COP1: variants seen among roughly 807,000 people sequenced by gnomAD.
The protein encoded by COP1 is E3 ubiquitin-protein ligase COP1.
Under a neutral mutation model 101.3 loss-of-function variants are expected in COP1, and 24 were observed. The ratio of observed to expected loss-of-function variants is 0.24; its 90% confidence interval spans 0.17 to 0.33. The LOEUF (loss-of-function observed/expected upper bound fraction) is 0.33. Ranked by LOEUF, COP1 falls within the 10% of genes least tolerant of loss-of-function variation. COP1 has a pLI of 1.00. For synonymous variants in COP1, 347 were observed against 341.9 expected, an observed-to-expected ratio of 1.01 and a Z score of -0.17; for missense variants, 663 against 906.2, an observed-to-expected ratio of 0.73 and a Z score of 3.45.
chr1:176,039,874 G>A (rs1229768842), intron 14 of COP1, among the ~76,000 whole-genome samples: 3 of 152,044 alleles, frequency 2.0e-5, no homozygotes. Context: ...AAAGAATAAA[G>A]GTGGATCGTT....
At chr1:176,178,346 A>AG (rs935813876) in intron 2 of COP1, among the ~76,000 whole-genome samples, 1 of 139,864 alleles carries the variant, frequency 7.1e-6, no homozygotes, top group East Asian at 2.1e-4. Context: ...TACAAAAAAA[A>AG]AAAAATAATA....
intron 9 of COP1, among the ~76,000 whole-genome samples, chr1:176,106,174 G>A (rs1319005102): frequency 2.0e-5 from 3 of 152,172 alleles, no homozygotes; most frequent in Non-Finnish European, 4.4e-5. Context: ...GGGATTACAG[G>A]CATACATCAC....
chr1:176,007,879 C>G (rs1372757003), intron 15 of COP1, among the ~76,000 whole-genome samples: 9 of 152,244 alleles, frequency 5.9e-5, no homozygotes, highest in East Asian at 5.8e-4. Flanking sequence ...CACCCAGTTC[C>G]AGCTTCCTGG....
At chr1:176,111,584 C>T (rs1466510623) in intron 9 of COP1, among the ~76,000 whole-genome samples, 1 of 152,226 alleles carries the variant, frequency 6.6e-6, no homozygotes, top group African/African-American at 2.4e-5. Context: ...TGAGCCACCA[C>T]ACCCAGCCCC....
At chr1:176,151,974 A>G (rs1031275916) in intron 5 of COP1, among the ~76,000 whole-genome samples, 1 of 150,312 alleles carries the variant, frequency 6.7e-6, no homozygotes, top group African/African-American at 2.5e-5. Context: ...TTTTTGCATC[A>G]GACTTTCTAA....
chr1:176,190,991 A>G (rs1016553817), intron 1 of COP1, among the ~76,000 whole-genome samples: 3 of 152,078 alleles, frequency 2.0e-5, no homozygotes, highest in Non-Finnish European at 4.4e-5. Flanking sequence ...AACAAGCAGT[A>G]GTTACACCTC....
chr1:176,040,685 C>G (rs1670374857), intron 14 of COP1, among the ~76,000 whole-genome samples: 1 of 152,122 alleles, frequency 6.6e-6, no homozygotes, highest in Non-Finnish European at 1.5e-5. Flanking sequence ...TACTCTATGG[C>G]CCAAAACTTT....
At chr1:176,113,247 T>C (rs556425098) in intron 9 of COP1, among the ~76,000 whole-genome samples, 4 of 152,328 alleles carry the variant, frequency 2.6e-5, no homozygotes, top group Admixed American at 6.5e-5. Flanking sequence ...ATTCTAACTA[T>C]GGTGAGATGA....
In COP1 at chr1:176,206,731, G is replaced by C. The variant is rs752699432; in HGVS notation, c.248C>G (p.Ser83Cys). 6.4e-7 allele frequency: 1 copy of C among 1,566,770 alleles called. No individual in the cohort carries two copies. Among genetic ancestry groups the C allele is most frequent in the Non-Finnish European group, 8.6e-7 (1 of 1,164,296 alleles). Reference protein sequence around the residue: ...AVSGSGGGAVSTGLSRHSCAA... With the variant: ...AVSGSGGGAVCTGLSRHSCAA... Reference sequence around the variant, plus strand: ...GCAGCTGTGCCGGGACAGGCCCGTGGACACCGCCCCGCCGCCGCTACCCGA... The same window carrying C: ...GCAGCTGTGCCGGGACAGGCCCGTGCACACCGCCCCGCCGCCGCTACCCGA... Residue 83 changes from serine to cysteine, a missense_variant, in exon 1 of 20, where the codon TCC (serine) becomes TGC (cysteine). Coordinates refer to ENST00000367669, the MANE Select transcript of COP1 (RefSeq NM_022457.7).
intron 8 of COP1, among the ~76,000 whole-genome samples, chr1:176,132,358 GC>G (rs1276943177): frequency 1.3e-5 from 2 of 151,754 alleles, no homozygotes; most frequent in Non-Finnish European, 1.5e-5. Context: ...CTCTTGCAAA[GC>G]CCTACCATGC....
At position 175,998,063 on chromosome 1, in the gene COP1, T is replaced by TAAAAAAAAAAAAAAAAA. The variant is rs57110017; in HGVS notation, c.1730-8601_1730-8585dup. On this transcript the variant is annotated intron_variant, in intron 15 of 19. Coordinates refer to ENST00000367669, the MANE Select transcript of COP1 (RefSeq NM_022457.7). ...TGTACCCTAAAACTTAGAGTATAAT[T>TAAAAAAAAAAAAAAAAA]AAAAAAAAAAAAAAAAAAAAAAAAA... Among the ~76,000 whole-genome samples the TAAAAAAAAAAAAAAAAA allele has an allele frequency of 2.7e-4, 18 of 66,814 alleles. 1 individual carries two copies. Among genetic ancestry groups the TAAAAAAAAAAAAAAAAA allele is most frequent in the African/African-American group, 1.3e-3 (16 of 12,698 alleles). The allele number at this position is 66,814 out of a possible 152,430, so 43.8% of individuals were successfully genotyped here. A position where few individuals can be genotyped will look rare whatever the true frequency, so the allele number is the denominator to read the frequency against.
intron 11 of COP1, among the ~76,000 whole-genome samples, chr1:176,052,702 T>C (rs772517610): frequency 1.3e-5 from 2 of 152,174 alleles, no homozygotes; most frequent in African/African-American, 2.4e-5. Flanking sequence ...AAGTACCCAA[T>C]TGCCCTCTCT....
chr1:176,002,137 T>C (rs1395134277), intron 15 of COP1, among the ~76,000 whole-genome samples: 2 of 152,022 alleles, frequency 1.3e-5, no homozygotes, highest in African/African-American at 4.8e-5. Flanking sequence ...TCCATCCAAT[T>C]TGCAAAAATA....
chr1:175,990,939 C>A (rs1399280193), intron 15 of COP1, among the ~76,000 whole-genome samples: 2 of 151,208 alleles, frequency 1.3e-5, no homozygotes, highest in Admixed American at 1.3e-4. Flanking sequence ...TTCTGCCAAT[C>A]CCTGAATGTT....
chr1:176,188,625 A>ATT (rs1195659333), intron 1 of COP1, among the ~76,000 whole-genome samples: 1 of 152,146 alleles, frequency 6.6e-6, no homozygotes, highest in Admixed American at 6.5e-5. Context: ...CAATATTTCA[A>ATT]ACTTTTTCAT....
chr1:175,958,380 T>TCA (rs1349863808), intron 18 of COP1, among the ~76,000 whole-genome samples: 3 of 151,788 alleles, frequency 2.0e-5, no homozygotes, highest in African/African-American at 7.2e-5. Context: ...CATTCAGGTA[T>TCA]AATATCAAAG....
intron 18 of COP1, among the ~76,000 whole-genome samples, chr1:175,986,395 C>T (rs570403760): frequency 9.2e-5 from 14 of 152,260 alleles, no homozygotes; most frequent in African/African-American, 3.4e-4. Flanking sequence ...GGCAACTCCA[C>T]TTTATAAAAC....
intron 15 of COP1, among the ~76,000 whole-genome samples, chr1:176,015,323 A>C (rs1363794095): frequency 6.6e-6 from 1 of 152,194 alleles, no homozygotes; most frequent in Non-Finnish European, 1.5e-5. Flanking sequence ...AGGTTACTCC[A>C]GTGGTAAAGG....
At chr1:176,141,584 T>A (rs912438286) in intron 6 of COP1, among the ~76,000 whole-genome samples, 2 of 152,160 alleles carry the variant, frequency 1.3e-5, no homozygotes, top group African/African-American at 4.8e-5. Flanking sequence ...ACAAAGCATT[T>A]AGCCATATGA....
Sources: gnomAD v4.1 joint callset for allele counts (sites outside exome capture counted in the v4.1 genomes callset) on GRCh38, gnomAD v4.1.1 for gene constraint, MANE v1.5 for transcripts, NCBI Gene and HGNC (gene_info 2026-07-23, HGNC 2026-07-21) for gene names.